TEC: variants seen among roughly 807,000 people sequenced by gnomAD.
TEC encodes the protein tec protein tyrosine kinase.
A neutral mutation model predicts 93.0 loss-of-function variants in TEC; 72 were observed. That is an observed-to-expected ratio of 0.77 (90% confidence interval 0.64 to 0.94). TEC has a LOEUF of 0.94. TEC is among the 40% of genes least tolerant of loss of function. The pLI is 0.00. For missense variants in TEC, 630 were observed against 757.9 expected (o/e 0.83, Z 1.98); for synonymous variants, 249 against 247.7 (o/e 1.01, Z -0.05).
intron 7 of TEC, among the ~76,000 whole-genome samples, chr4:48,164,134 T>A (rs1720784042): frequency 6.6e-6 from 1 of 152,210 alleles, no homozygotes; most frequent in South Asian, 2.1e-4. Context: ...CATTCCACAA[T>A]ACTTCTCCAG....
In TEC at chr4:48,269,734, C is replaced by G. The variant is rs1724743211; in HGVS notation, c.-46+18G>C. The G allele has an allele frequency of 6.6e-6, 1 of 152,308 alleles. No homozygotes were observed. Among genetic ancestry groups the G allele is most frequent in the Non-Finnish European group, 1.5e-5 (1 of 68,102 alleles). 9.4% of individuals were successfully genotyped at this position (152,308 alleles called of 1,614,324 possible). Reference sequence around the variant, plus strand: ...TCGCACTCCCGGGGCCGCCCCAGCCCGCCCGCGGCGCCCTTACCTGGCTGA... The same window carrying G: ...TCGCACTCCCGGGGCCGCCCCAGCCGGCCCGCGGCGCCCTTACCTGGCTGA... On this transcript the variant is annotated intron_variant, in intron 1 of 17. Transcript: ENST00000381501.
chr4:48,243,689 G>A (rs1723978342), intron 1 of TEC, among the ~76,000 whole-genome samples: 1 of 152,146 alleles, frequency 6.6e-6, no homozygotes, highest in African/African-American at 2.4e-5. Context: ...ATCAGTGCTA[G>A]ACCACAGATG....
At chr4:48,162,005 C>A (rs766376078) in intron 8 of TEC, among the ~76,000 whole-genome samples, 1 of 152,166 alleles carries the variant, frequency 6.6e-6, no homozygotes, top group Non-Finnish European at 1.5e-5. Flanking sequence ...AGCTTGTGAT[C>A]GTGAGTCAGT....
At chr4:48,232,192 G>A (rs1723665212) in intron 1 of TEC, among the ~76,000 whole-genome samples, 1 of 152,064 alleles carries the variant, frequency 6.6e-6, no homozygotes, top group Non-Finnish European at 1.5e-5. Flanking sequence ...GGGAGGCTGA[G>A]GCAGGAGAAT....
chr4:48,214,922 G>A (rs1352312870), intron 2 of TEC, among the ~76,000 whole-genome samples: 1 of 152,084 alleles, frequency 6.6e-6, no homozygotes, highest in Non-Finnish European at 1.5e-5. Flanking sequence ...GGAGTCTGAG[G>A]TGGGCAGGTG....
intron 2 of TEC, among the ~76,000 whole-genome samples, chr4:48,215,055 A>C (rs776009871): frequency 6.6e-6 from 1 of 152,190 alleles, no homozygotes; most frequent in Non-Finnish European, 1.5e-5. Context: ...TGGGAGGCTG[A>C]GGCAGGAGAA....
At chr4:48,154,347 T>G (rs546867451) in intron 9 of TEC, among the ~76,000 whole-genome samples, 1 of 152,354 alleles carries the variant, frequency 6.6e-6, no homozygotes, top group African/African-American at 2.4e-5. Flanking sequence ...GTCATAAAAC[T>G]GCTGCTTCTG....
rs751636941 is a variant in TEC at position 48,234,407 on chromosome 4, T to G, written c.-45-5748A>C. On this transcript the variant is annotated intron_variant, in intron 1 of 17. Transcript: ENST00000381501. ...GAGGTAAAGGGACCCCCTCCCCCAA[T>G]AGATGATGAAGGGAAATCCCAAAAT... 4.6e-5 allele frequency among the ~76,000 whole-genome samples: 7 copies of G among 151,988 alleles called. No homozygotes were observed. In the South Asian group the frequency reaches 1.2e-3, roughly 27 times the overall value.
At chr4:48,255,772 A>G (rs1356040574) in intron 1 of TEC, among the ~76,000 whole-genome samples, 2 of 152,224 alleles carry the variant, frequency 1.3e-5, no homozygotes, top group East Asian at 1.9e-4. Context: ...GCTAAGCACA[A>G]TGCTTGACAC....
chr4:48,144,031 T>A (rs1042110290), intron 14 of TEC, among the ~76,000 whole-genome samples: 1 of 152,032 alleles, frequency 6.6e-6, no homozygotes, highest in South Asian at 2.1e-4. Flanking sequence ...TCGAGACCAG[T>A]CTGAGCAACA....
chr4:48,268,158 G>A (rs1289088887), intron 1 of TEC, among the ~76,000 whole-genome samples: 1 of 152,234 alleles, frequency 6.6e-6, no homozygotes, highest in Non-Finnish European at 1.5e-5. Context: ...GAGAAAACAT[G>A]ATTATCTTGA....
chr4:48,246,371 A>G (rs1161718485), intron 1 of TEC, among the ~76,000 whole-genome samples: 1 of 152,190 alleles, frequency 6.6e-6, no homozygotes, highest in Non-Finnish European at 1.5e-5. Flanking sequence ...TACAGATTCA[A>G]TGAATTCTCT....
At chr4:48,243,273 T>G (rs2664029) in intron 1 of TEC, among the ~76,000 whole-genome samples, 117,969 of 152,088 alleles carry the variant, frequency 0.78, 46,636 homozygotes, top group African/African-American at 0.93. Flanking sequence ...TTAGTGGAAG[T>G]AACTTAAACA....
intron 2 of TEC, among the ~76,000 whole-genome samples, chr4:48,182,268 G>A (rs1038706320): frequency 7.1e-6 from 1 of 140,512 alleles, no homozygotes; most frequent in Non-Finnish European, 1.5e-5. Flanking sequence ...CTAGGTGACA[G>A]AGCGAGACTC....
Position 48,237,583 on chromosome 4 carries a change from A to G in TEC, c.-45-8924T>C, listed in dbSNP as rs148133214. 3.7e-3 allele frequency among the ~76,000 whole-genome samples: 567 copies of G among 152,310 alleles called. 3 individuals are homozygous for G. Among genetic ancestry groups the G allele is most frequent in the Non-Finnish European group, 5.5e-3 (372 of 68,022 alleles). On this transcript the variant is annotated intron_variant, in intron 1 of 17. Coordinates refer to ENST00000381501, the MANE Select transcript of TEC (RefSeq NM_003215.3). ...AAAGGATGGACTATTTATAAGAGCA[A>G]GCAAAGAGTGATTAGAGGTTGTTGA...
chr4:48,163,838 G>A, intron 7 of TEC, 71 bp from the exon 8 acceptor site: 1 of 841,158 alleles, frequency 1.2e-6, no homozygotes, highest in Non-Finnish European at 1.8e-6. Flanking sequence ...AAAGATTATT[G>A]CCTTTTGAAA....
At chr4:48,175,464 G>C (rs578068222) in intron 3 of TEC, among the ~76,000 whole-genome samples, 1 of 152,180 alleles carries the variant, frequency 6.6e-6, no homozygotes, top group African/African-American at 2.4e-5. Context: ...GAGGGGCTGA[G>C]AGCTCCAGAT....
chr4:48,204,321 G>A (rs1483465419), intron 2 of TEC, among the ~76,000 whole-genome samples: 4 of 152,170 alleles, frequency 2.6e-5, no homozygotes, highest in Admixed American at 6.5e-5. Flanking sequence ...GTTAAAAACC[G>A]TGGACACTGA....
intron 3 of TEC, among the ~76,000 whole-genome samples, chr4:48,173,865 TC>T (rs1007032189): frequency 6.6e-6 from 1 of 152,166 alleles, no homozygotes; most frequent in African/African-American, 2.4e-5. Context: ...GGAGCAACCA[TC>T]CCATCTAGGC....
Sources: gnomAD v4.1 joint callset for allele counts (sites outside exome capture counted in the v4.1 genomes callset) on GRCh38, gnomAD v4.1.1 for gene constraint, MANE v1.5 for transcripts, NCBI Gene and HGNC (gene_info 2026-07-23, HGNC 2026-07-21) for gene names.